Variants in CHTF18 observed in about 807,000 individuals in gnomAD.
CHTF18 encodes chromosome transmission fidelity protein 18 homolog.
CHTF18 carries 151 observed loss-of-function variants against 113.4 expected under a neutral mutation model. That is an observed-to-expected ratio of 1.33 (90% CI 1.17 to 1.52). The LOEUF is 1.52. CHTF18 is among the 40% of genes most tolerant of loss of function. CHTF18 has a pLI of 0.00. For synonymous variants in CHTF18, 916 were observed against 598.8 expected (o/e 1.53, Z -7.74); for missense variants, 1,982 against 1,381.6 (o/e 1.43, Z -6.89).
chr16:790,543 G>A lies in CHTF18; in HGVS notation c.771G>A (p.Glu257=), dbSNP rs755586233. Residue 257 remains glutamate (E), a synonymous_variant, in exon 7 of 22, where the codon GAG becomes GAA. Coordinates refer to ENST00000262315, the MANE Select transcript of CHTF18 (RefSeq NM_022092.3). Reference sequence around the variant, plus strand: ...TCTCCAGTCTCAGGTCGGGGGAGGAGGAGGCAGCCCAGCCCTTGGGGGCCC... The same window carrying A: ...TCTCCAGTCTCAGGTCGGGGGAGGAAGAGGCAGCCCAGCCCTTGGGGGCCC... The part of the protein sequence containing the change: ...DTLHSLRSGE[E]EAAQPLGAPE... The A allele has an allele frequency of 2.8e-5, 45 of 1,598,660 alleles. No homozygotes were observed. Among genetic ancestry groups the A allele is most frequent in the Non-Finnish European group, 3.6e-5 (42 of 1,173,756 alleles).
At chr16:789,432 T>C in intron 3 of CHTF18, 72 bp downstream of exon 3, 4 of 1,533,046 alleles carry the variant, frequency 2.6e-6, no homozygotes, top group Non-Finnish European at 3.5e-6. Flanking sequence ...TCCCGTGCCC[T>C]GGATGAGGCC....
chr16:793,367 G>A (rs940908283), intron 14 of CHTF18, 93 bp downstream of exon 14: 16 of 1,474,492 alleles, frequency 1.1e-5, no homozygotes, highest in Non-Finnish European at 1.3e-5. Flanking sequence ...CCTTCGAGGC[G>A]GGGACTCAGT....
In CHTF18 at chr16:790,260, C is replaced by A; in HGVS notation, c.690C>A (p.Val230=). ...CCTTAGCCTCCCTGAAGAAGCAGGT[C>A]GACGGCGAGGTAGGGGCTGCGGGTT... The part of the protein sequence containing the change: ...GVSLASLKKQ[V]DGERRERLLQ... Residue 230 remains valine, a synonymous_variant, in exon 5 of 22, where the codon GTC becomes GTA. Transcript: ENST00000262315. 1 of 1,606,458 alleles carries A rather than the reference C, an allele frequency of 6.2e-7. No individual in the cohort carries two copies. Among genetic ancestry groups the A allele is most frequent in the Non-Finnish European group, 8.5e-7 (1 of 1,177,428 alleles).
chr16:796,698 G>A lies in CHTF18; in HGVS notation c.2457-19G>A, dbSNP rs778278250. 3.2e-6 allele frequency: 5 copies of A among 1,579,026 alleles called. No homozygotes were observed. In the South Asian group the frequency reaches 3.4e-5, roughly 11 times the overall value. On this transcript the variant is annotated intron_variant, in intron 18 of 21. Transcript: ENST00000262315. ...CCTGGCCCCGCTGACCTGCCCTGGTGTCCCCCTGTGCTGAGCAGGAACGTG... is the reference window on the plus strand; with the variant it reads ...CCTGGCCCCGCTGACCTGCCCTGGTATCCCCCTGTGCTGAGCAGGAACGTG...
chr16:797,169 G>T, intron 20 of CHTF18, 77 bp downstream of exon 20: 1 of 1,432,792 alleles, frequency 7.0e-7, no homozygotes, highest in South Asian at 1.6e-5. Context: ...CATGAGGCGG[G>T]GCCAAGGCAC....
At chr16:794,283 G>A (rs1316106560) in intron 15 of CHTF18, 82 bp downstream of exon 15, 81 of 1,510,412 alleles carry the variant, frequency 5.4e-5, no homozygotes, top group Non-Finnish European at 6.8e-5. Context: ...CGGTCCTCCC[G>A]TATGGACGGG....
At position 790,555 on chromosome 16, in the gene CHTF18, G is replaced by A. The variant is rs774209218; in HGVS notation, c.783G>A (p.Gln261=). The A allele has an allele frequency of 4.4e-6, 7 of 1,596,220 alleles. No individual in the cohort carries two copies. The South Asian group carries it at 7.9e-5, about 18-fold the overall frequency. The change falls in exon 7 of 22, where the codon CAG becomes CAA. Residue 261 remains glutamine (Q), a synonymous_variant. Coordinates refer to ENST00000262315, the MANE Select transcript of CHTF18 (RefSeq NM_022092.3). ...SLRSGEEEAA[Q]PLGAPEEEPT... ...GGTCGGGGGAGGAGGAGGCAGCCCA[G>A]CCCTTGGGGGCCCCTGAGGAGGAGC...
rs1420694806 is a variant in CHTF18 at position 789,683 on chromosome 16, C to T, written c.574C>T (p.Leu192=). ...STEGVRAYLV[L]RADPMAPGVQ... ...GGAGGGCGTCCGGGCTTATCTGGTG[C>T]TGCGTGCTGACCCCATGGCCCCGGG... Residue 192 remains leucine (L), a synonymous_variant, in exon 4 of 22, where the codon CTG becomes TTG. Transcript: ENST00000262315. The T allele has an allele frequency of 2.5e-6, 4 of 1,599,960 alleles. No homozygotes were observed. The highest frequency in any genetic ancestry group is 1.3e-5 in the African/African-American group (1 of 75,038).
At chr16:795,558 G>C in intron 16 of CHTF18, 127 bp from the exon 17 acceptor site, 1 of 110,646 alleles carries the variant, frequency 9.0e-6, no homozygotes, top group Non-Finnish European at 1.4e-5. Flanking sequence ...CACACTGCCC[G>C]TGTGGCTGCC....
At chr16:797,164 G>A (rs1421461721) in intron 20 of CHTF18, 72 bp downstream of exon 20, 2 of 1,439,124 alleles carry the variant, frequency 1.4e-6, no homozygotes, top group Non-Finnish European at 1.8e-6. Context: ...GCAGTCATGA[G>A]GCGGGGCCAA....
At chr16:790,058 C>T (rs1290832655) in intron 4 of CHTF18, 119 bp from the exon 5 acceptor site, 7 of 1,536,744 alleles carry the variant, frequency 4.6e-6, no homozygotes, top group African/African-American at 1.4e-5. Flanking sequence ...CAGTCTCCCA[C>T]CCCTCACTGG....
chr16:797,750 A>G lies in CHTF18; in HGVS notation c.2790A>G (p.Ala930=), dbSNP rs951406256. 1 of 1,435,208 alleles carries G rather than the reference A, an allele frequency of 7.0e-7. No homozygotes were observed. Among genetic ancestry groups the G allele is most frequent in the African/African-American group, 1.9e-5 (1 of 52,370 alleles). The allele number at this position is 1,435,208 out of a possible 1,614,324, so 88.9% of individuals were successfully genotyped here. ...TCAGGAGCACAGCAGTCCCGAGTGC[A>G]GGTGTGTGTGGGGGTGTTGTGGGGT... The part of the protein sequence containing the change: ...VVVRSTAVPS[A]GDTAPEQDSV... The change falls in exon 21 of 22, where the codon GCA becomes GCG. Residue 930 remains alanine, a splice_region_variant and synonymous_variant. Transcript: ENST00000262315.
chr16:789,641 G>T lies in CHTF18; in HGVS notation c.532G>T (p.Val178Phe), dbSNP rs113608744. 1 of 1,607,052 alleles carries T rather than the reference G, an allele frequency of 6.2e-7. No homozygotes were observed. The highest frequency in any genetic ancestry group is 8.5e-7 in the Non-Finnish European group (1 of 1,179,762). Residue 178 changes from valine (V) to phenylalanine (F), a missense_variant, in exon 4 of 22, where the codon GTC (valine) becomes TTC (phenylalanine). Val to Phe is a conservative substitution (Grantham distance 50). Coordinates refer to ENST00000262315, the MANE Select transcript of CHTF18 (RefSeq NM_022092.3). ...GCGGCCCCCCATCTTGGAGGACTAC[G>T]TCCACGTGACATCCACGGAGGGCGT... ...LRRPPILEDY[V>F]HVTSTEGVRA... is the part of the protein sequence containing the mutation.
rs958577613 is a variant in CHTF18 at position 797,922 on chromosome 16, G to A, written c.2875G>A (p.Glu959Lys). 5.0e-6 allele frequency: 8 copies of A among 1,612,364 alleles called. No individual in the cohort carries two copies. In the East Asian group the frequency reaches 6.7e-5, roughly 13 times the overall value. Residue 959 changes from glutamate (E) to lysine (K), a missense_variant, in exon 22 of 22, where the codon GAG becomes AAG. Coordinates refer to ENST00000262315, the MANE Select transcript of CHTF18 (RefSeq NM_022092.3). ...GAGCGAGGTCTGGTTCCGCTTCAAC[G>A]AGGGTGTCTCCAACGCCGTGCGGCG... ...GRSEVWFRFNEGVSNAVRRSL... is the reference protein window; with the variant it reads ...GRSEVWFRFNKGVSNAVRRSL...
Position 789,196 on chromosome 16 carries a change from T to G in CHTF18, c.287-14T>G. The stretch of plus-strand genomic sequence containing the variant: ...CTGAGGAGGCCTCTGGTTCCCTGCA[T>G]GTGTCTCCCCCAGCCCCCAGGATCA... On this transcript the variant is annotated splice_polypyrimidine_tract_variant and intron_variant, in intron 2 of 21. Transcript: ENST00000262315. 6.4e-7 allele frequency: 1 copy of G among 1,550,420 alleles called. No homozygotes were observed. Among genetic ancestry groups the G allele is most frequent in the East Asian group, 2.4e-5 (1 of 40,930 alleles).
intron 15 of CHTF18, 190 bp from the exon 16 acceptor site, chr16:794,942 G>T (rs1389299095): frequency 1.7e-6 from 1 of 587,192 alleles, no homozygotes; most frequent in Non-Finnish European, 3.0e-6. Flanking sequence ...CTTGGGCCCA[G>T]TGACCCCTTG....
intron 15 of CHTF18, 112 bp downstream of exon 15, chr16:794,313 G>A: frequency 3.1e-6 from 4 of 1,286,940 alleles, no homozygotes; most frequent in Non-Finnish European, 4.3e-6. Context: ...TGGGGGTGCT[G>A]AGAGAGGCAG....
intron 20 of CHTF18, among the ~76,000 whole-genome samples, 186 bp from the exon 21 acceptor site, chr16:797,508 T>A (rs1013143067): frequency 3.3e-5 from 5 of 152,054 alleles, no homozygotes; most frequent in African/African-American, 1.2e-4. Context: ...CTCTTCTTGA[T>A]TGGCACCTGG....
At chr16:794,274 G>C in intron 15 of CHTF18, 73 bp downstream of exon 15, 2 of 1,545,310 alleles carry the variant, frequency 1.3e-6, no homozygotes, top group Non-Finnish European at 1.8e-6. Context: ...TGCCCCTGCC[G>C]GTCCTCCCGT....
Sources: allele counts gnomAD v4.1 joint callset (sites outside exome capture counted in the v4.1 genomes callset), GRCh38; gene constraint gnomAD v4.1.1; transcripts MANE v1.5; gene names NCBI Gene and HGNC (gene_info 2026-07-23, HGNC 2026-07-21).